The following ATP8A2 variants were observed in gnomAD, a reference collection of about 807,000 sequenced individuals.
ATP8A2 encodes the protein ATPase phospholipid transporting 8A2.
Under a neutral mutation model 165.6 loss-of-function variants are expected in ATP8A2, and 100 were observed. That is an observed-to-expected ratio of 0.60 (90% CI 0.51 to 0.71). The LOEUF is 0.71. ATP8A2 is among the 30% of genes least tolerant of loss of function. The pLI is 0.00. For missense variants in ATP8A2, 1,227 were observed against 1,479.5 expected, an observed-to-expected ratio of 0.83 and a Z score of 2.80; for synonymous variants, 543 against 548.8, an observed-to-expected ratio of 0.99 and a Z score of 0.15.
At chr13:25,397,213 G>A (rs2033457775) in intron 1 of ATP8A2, among the ~76,000 whole-genome samples, 1 of 152,196 alleles carries the variant, frequency 6.6e-6, no homozygotes, top group South Asian at 2.1e-4. Context: ...GAGGGGAAGA[G>A]CTGGGTCTCC....
At position 25,579,799 on chromosome 13, in the gene ATP8A2, G is replaced by C; in HGVS notation, c.1868-9G>C. On this transcript the variant is annotated splice_polypyrimidine_tract_variant and intron_variant, in intron 21 of 36. Transcript: ENST00000381655. Reference sequence around the variant, plus strand: ...TGCCTGCCTCCATTCACCAGTGGCTGTCTTGCAGGCTTGCGGACTCTCTGT... The same window carrying C: ...TGCCTGCCTCCATTCACCAGTGGCTCTCTTGCAGGCTTGCGGACTCTCTGT... The C allele has an allele frequency of 6.2e-7, 1 of 1,612,578 alleles. No homozygotes were observed. Among genetic ancestry groups the C allele is most frequent in the African/African-American group, 1.3e-5 (1 of 75,002 alleles).
At chr13:25,657,356 T>G (rs2041956392) in intron 24 of ATP8A2, among the ~76,000 whole-genome samples, 1 of 152,184 alleles carries the variant, frequency 6.6e-6, no homozygotes, top group Non-Finnish European at 1.5e-5. Context: ...AGATACTGAC[T>G]CTGTGCCCCG....
intron 24 of ATP8A2, among the ~76,000 whole-genome samples, chr13:25,611,867 G>A (rs1461437555): frequency 6.6e-6 from 1 of 152,014 alleles, no homozygotes; most frequent in African/African-American, 2.4e-5. Context: ...AATCTAGGAG[G>A]GTTGTATTTT....
At chr13:25,915,327 T>A (rs1954240098) in intron 33 of ATP8A2, among the ~76,000 whole-genome samples, 2 of 152,182 alleles carry the variant, frequency 1.3e-5, no homozygotes, top group Non-Finnish European at 1.5e-5. Context: ...AAGATTGTCA[T>A]TTAATTAAAG....
At chr13:25,618,260 G>T (rs986019935) in intron 24 of ATP8A2, among the ~76,000 whole-genome samples, 2 of 152,270 alleles carry the variant, frequency 1.3e-5, no homozygotes, top group Middle Eastern at 3.4e-3. Flanking sequence ...GACCAGAACA[G>T]GTTAGGAGTG....
At chr13:25,934,545 T>C (rs1407587023) in intron 33 of ATP8A2, among the ~76,000 whole-genome samples, 1 of 152,238 alleles carries the variant, frequency 6.6e-6, no homozygotes, top group East Asian at 1.9e-4. Flanking sequence ...CATCCTCATC[T>C]ACCAAATGAA....
intron 35 of ATP8A2, among the ~76,000 whole-genome samples, chr13:25,969,857 A>AT (rs1955873711): frequency 6.6e-6 from 1 of 152,160 alleles, no homozygotes; most frequent in South Asian, 2.1e-4. Context: ...ATGGGGGCTG[A>AT]TTTTACCGCA....
intron 35 of ATP8A2, among the ~76,000 whole-genome samples, chr13:25,974,975 C>G (rs1955999683): frequency 6.6e-6 from 1 of 152,170 alleles, no homozygotes; most frequent in Non-Finnish European, 1.5e-5. Flanking sequence ...ACCAGAACCA[C>G]AGTGATTTCC....
At chr13:25,935,390 C>G (rs1302642822) in intron 33 of ATP8A2, among the ~76,000 whole-genome samples, 1 of 152,176 alleles carries the variant, frequency 6.6e-6, no homozygotes. Flanking sequence ...GGAGAAGTGG[C>G]TCACTATTAT....
chr13:25,749,508 G>C (rs1383681667), intron 25 of ATP8A2, among the ~76,000 whole-genome samples: 2 of 152,060 alleles, frequency 1.3e-5, no homozygotes, highest in Admixed American at 1.3e-4. Context: ...GTGAGGAGGG[G>C]GTGTAGGCAG....
At chr13:25,996,875 G>A (rs1439885941) in intron 35 of ATP8A2, among the ~76,000 whole-genome samples, 4 of 152,232 alleles carry the variant, frequency 2.6e-5, no homozygotes, top group Non-Finnish European at 5.9e-5. Flanking sequence ...GTAGAGACAA[G>A]GTTTCACCAC....
At chr13:25,470,876 A>G (rs1462670109) in intron 2 of ATP8A2, among the ~76,000 whole-genome samples, 4 of 152,212 alleles carry the variant, frequency 2.6e-5, no homozygotes, top group Non-Finnish European at 5.9e-5. Flanking sequence ...GCCTCATAGT[A>G]CATGATTCCA....
intron 25 of ATP8A2, among the ~76,000 whole-genome samples, chr13:25,747,455 GGTATCCTGTGGGTCCTTTTATTCATGTT>G (rs1275933297): frequency 2.6e-5 from 4 of 152,148 alleles, no homozygotes; most frequent in Admixed American, 6.5e-5. Flanking sequence ...TGTAGCAAAA[GGTATCCTGTGGGTCCTTTTATTCATGTT>G]TGTTTCATGT....
In ATP8A2 at chr13:25,456,283, C is replaced by T. The variant is rs542544625; in HGVS notation, c.77-12694C>T. On this transcript the variant is annotated intron_variant, in intron 1 of 36. Coordinates refer to ENST00000381655, the MANE Select transcript of ATP8A2 (RefSeq NM_016529.6). Reference sequence around the variant, plus strand: ...GAACATCCATAGCTCTCACTGTCTCCGCTTCTTCCACTCTCACAGGTGCTA... The same window carrying T: ...GAACATCCATAGCTCTCACTGTCTCTGCTTCTTCCACTCTCACAGGTGCTA... Among the ~76,000 whole-genome samples, 50 of 152,302 alleles carry T rather than the reference C, an allele frequency of 3.3e-4. No homozygotes were observed. The Middle Eastern group carries it at 0.014, about 41-fold the overall frequency.
At chr13:25,757,524 T>TGTGTGC (rs1282028012) in intron 25 of ATP8A2, among the ~76,000 whole-genome samples, 3 of 151,400 alleles carry the variant, frequency 2.0e-5, no homozygotes, top group African/African-American at 4.9e-5. Flanking sequence ...TGTGTGTGTG[T>TGTGTGC]GCACACGCAC....
chr13:25,568,095 T>A (rs1434288422), intron 16 of ATP8A2, among the ~76,000 whole-genome samples: 1 of 152,222 alleles, frequency 6.6e-6, no homozygotes, highest in Non-Finnish European at 1.5e-5. Flanking sequence ...CTTTTTTTCC[T>A]ATGTCATCAT....
chr13:26,018,170 C>A (rs1290993192), intron 36 of ATP8A2, among the ~76,000 whole-genome samples: 1 of 152,240 alleles, frequency 6.6e-6, no homozygotes, highest in Non-Finnish European at 1.5e-5. Flanking sequence ...CCCCCGATAA[C>A]CCCCCTGAGC....
At chr13:25,558,760 G>A (rs2039056261) in intron 13 of ATP8A2, among the ~76,000 whole-genome samples, 1 of 152,020 alleles carries the variant, frequency 6.6e-6, no homozygotes. Context: ...TGCATATTTC[G>A]GTACACTTTG....
At chr13:25,796,060 C>T (rs555860428) in intron 27 of ATP8A2, among the ~76,000 whole-genome samples, 1 of 152,110 alleles carries the variant, frequency 6.6e-6, no homozygotes, top group East Asian at 1.9e-4. Flanking sequence ...AGCAATTCTC[C>T]TGCCTCTGCC....
Sources: allele counts gnomAD v4.1 joint callset (sites outside exome capture counted in the v4.1 genomes callset), GRCh38; gene constraint gnomAD v4.1.1; transcripts MANE v1.5; gene names NCBI Gene and HGNC (gene_info 2026-07-23, HGNC 2026-07-21).